Variants in DNASE1L3 observed in about 807,000 individuals in gnomAD.
DNASE1L3 encodes the protein deoxyribonuclease 1L3.
DNASE1L3 carries 27 observed loss-of-function variants against 30.9 expected under a neutral mutation model. The observed-to-expected ratio is 0.87, with a 90% CI of 0.64 to 1.20. DNASE1L3 has a LOEUF of 1.20. DNASE1L3 is among the 50% of genes most tolerant of loss of function. DNASE1L3 has a pLI of 0.00. For missense variants in DNASE1L3, 364 were observed against 378.2 expected (o/e 0.96, Z 0.31); for synonymous variants, 135 against 138.0 (o/e 0.98, Z 0.15).
chr3:58,208,175 A>C, intron 2 of DNASE1L3, 43 bp downstream of exon 2: 2 of 1,594,364 alleles, frequency 1.3e-6, no homozygotes, highest in East Asian at 4.5e-5. Flanking sequence ...ATGCCCTTGC[A>C]CTTGACCTTG....
intron 1 of DNASE1L3, among the ~76,000 whole-genome samples, chr3:58,208,807 T>A (rs2097405712): frequency 6.6e-6 from 1 of 152,188 alleles, no homozygotes; most frequent in Non-Finnish European, 1.5e-5. Context: ...CTATGCTTAT[T>A]AGCCCATTAA....
chr3:58,198,115 T>G, intron 5 of DNASE1L3, 137 bp from the exon 6 acceptor site: 1 of 991,566 alleles, frequency 1.0e-6, no homozygotes, highest in South Asian at 1.7e-5. Flanking sequence ...GTCTACCCCC[T>G]GCTCCCGCCC....
intron 1 of DNASE1L3, among the ~76,000 whole-genome samples, chr3:58,209,493 C>T (rs1176398728): frequency 6.6e-6 from 1 of 152,224 alleles, no homozygotes; most frequent in African/African-American, 2.4e-5. Context: ...CATTGCTATC[C>T]TGGCTAAACA....
chr3:58,200,841 T>C lies in DNASE1L3; in HGVS notation c.546+156A>G, dbSNP rs1363759672. Among the ~76,000 whole-genome samples the C allele has an allele frequency of 1.3e-5, 2 of 152,180 alleles. No homozygotes were observed. Among genetic ancestry groups the C allele is most frequent in the African/African-American group, 4.8e-5 (2 of 41,438 alleles). On this transcript the variant is annotated intron_variant, in intron 5 of 7. Coordinates refer to ENST00000394549, the MANE Select transcript of DNASE1L3 (RefSeq NM_004944.4). This position sits in a 1 kb window ranked among gnomAD's most constrained non-coding sequence, Gnocchi z 4.2. ...ACCCAGGCAGATTTAGCAAAAGGGA[T>C]ACTTAGGGCTGAAGAAAGGCCTTAA...
chr3:58,194,738 G>A (rs2097396203), intron 6 of DNASE1L3, among the ~76,000 whole-genome samples: 1 of 149,274 alleles, frequency 6.7e-6, no homozygotes, highest in African/African-American at 2.5e-5. Context: ...CCATTCTCCT[G>A]CCTCAGCCTC....
chr3:58,194,203 G>A lies in DNASE1L3; in HGVS notation c.705-764C>T, dbSNP rs151143027. Among the ~76,000 whole-genome samples the A allele has an allele frequency of 1.2e-4, 18 of 152,098 alleles. No individual in the cohort carries two copies. The East Asian group carries it at 2.1e-3, about 18-fold the overall frequency. ...TCTACGTGGTCCTGAGTGACTTCCC[G>A]AGGAATGGCAAGGTGAGTCAAACTG... is the stretch of plus-strand genomic sequence containing the variant. On this transcript the variant is annotated intron_variant, in intron 6 of 7. Coordinates refer to ENST00000394549, the MANE Select transcript of DNASE1L3 (RefSeq NM_004944.4).
At chr3:58,202,921 A>G (rs2097401725) in intron 4 of DNASE1L3, among the ~76,000 whole-genome samples, 1 of 152,076 alleles carries the variant, frequency 6.6e-6, no homozygotes, top group Non-Finnish European at 1.5e-5. Flanking sequence ...CCAAAAAGCT[A>G]TTTAAAAATT....
At chr3:58,210,356 ATCTT>A (rs1214748039) in intron 1 of DNASE1L3, among the ~76,000 whole-genome samples, 1 of 152,226 alleles carries the variant, frequency 6.6e-6, no homozygotes, top group Non-Finnish European at 1.5e-5. Context: ...AGGTTACTTC[ATCTT>A]TCTTTGTTCA....
intron 6 of DNASE1L3, among the ~76,000 whole-genome samples, chr3:58,195,362 A>G (rs1458385862): frequency 1.3e-5 from 2 of 152,034 alleles, no homozygotes; most frequent in Admixed American, 1.3e-4. Flanking sequence ...CAGGCATGTG[A>G]TCATGTTGCT....
At position 58,210,968 on chromosome 3, in the gene DNASE1L3, C is replaced by G; in HGVS notation, c.-62G>C. On this transcript the variant is annotated 5_prime_UTR_variant, in exon 1 of 8. Transcript: ENST00000394549. ...ACAGCAGTGCTTGGAGTGCTGGATTCTGGCCACTTCCGCAGGCTCCACTGA... is the reference window on the plus strand; with the variant it reads ...ACAGCAGTGCTTGGAGTGCTGGATTGTGGCCACTTCCGCAGGCTCCACTGA... 2 of 1,592,592 alleles carry G rather than the reference C, an allele frequency of 1.3e-6. No individual in the cohort carries two copies. Among genetic ancestry groups the G allele is most frequent in the Non-Finnish European group, 1.7e-6 (2 of 1,167,176 alleles).
At chr3:58,196,720 G>A (rs1395424576) in intron 6 of DNASE1L3, among the ~76,000 whole-genome samples, 1 of 152,126 alleles carries the variant, frequency 6.6e-6, no homozygotes, top group Non-Finnish European at 1.5e-5. Flanking sequence ...TGTGGTCTCT[G>A]TGATGGAAGA....
intron 2 of DNASE1L3, chr3:58,207,960 C>A: frequency 2.5e-6 from 1 of 399,108 alleles, no homozygotes; most frequent in East Asian, 3.5e-5. Context: ...TACTTTTTAG[C>A]TCAGCCTCAT....
At chr3:58,208,588 C>G (rs964942706) in intron 1 of DNASE1L3, among the ~76,000 whole-genome samples, 1 of 152,122 alleles carries the variant, frequency 6.6e-6, no homozygotes, top group East Asian at 1.9e-4. Flanking sequence ...AAGCCCAGAG[C>G]CCCTTGCTCA....
In DNASE1L3 at chr3:58,200,959, CT is replaced by C. The variant is rs2097400159; in HGVS notation, c.546+37del. ...CCCACTCAGGGACCAGAGCCTGCCC[CT>C]GCTAGATGGGAATTCGTCTGACACA... On this transcript the variant is annotated intron_variant, in intron 5 of 7. Coordinates refer to ENST00000394549, the MANE Select transcript of DNASE1L3 (RefSeq NM_004944.4). This position sits in a 1 kb window ranked among gnomAD's most constrained non-coding sequence, Gnocchi z 4.2. 1.3e-6 allele frequency: 2 copies of C among 1,572,682 alleles called. No homozygotes were observed. The highest frequency in any genetic ancestry group is 2.7e-5 in the African/African-American group (2 of 74,200).
intron 1 of DNASE1L3, 76 bp from the exon 2 acceptor site, chr3:58,208,382 G>A (rs1276854339): frequency 2.7e-6 from 4 of 1,458,992 alleles, no homozygotes; most frequent in Non-Finnish European, 3.8e-6. Context: ...GACACTTACT[G>A]TTTTTAAGTA....
intron 2 of DNASE1L3, among the ~76,000 whole-genome samples, chr3:58,206,735 G>A (rs888580169): frequency 8.5e-5 from 13 of 152,070 alleles, no homozygotes; most frequent in Non-Finnish European, 1.9e-4. Flanking sequence ...TGTCCCCTCA[G>A]TCTCCCATAA....
intron 5 of DNASE1L3, among the ~76,000 whole-genome samples, chr3:58,198,377 T>G (rs2097398673): frequency 6.6e-6 from 1 of 152,190 alleles, no homozygotes; most frequent in Non-Finnish European, 1.5e-5. Context: ...ACACCAGCCC[T>G]GCTGGCACAC....
intron 1 of DNASE1L3, among the ~76,000 whole-genome samples, chr3:58,209,925 T>C (rs1397516330): frequency 6.6e-6 from 1 of 152,160 alleles, no homozygotes; most frequent in Non-Finnish European, 1.5e-5. Flanking sequence ...CATCAAAAAT[T>C]AATTAACCTG....
chr3:58,205,370 T>C (rs2097403216), intron 3 of DNASE1L3, 101 bp downstream of exon 3: 1 of 1,023,698 alleles, frequency 9.8e-7, no homozygotes, highest in Admixed American at 1.8e-5. Flanking sequence ...CACTGAGAAT[T>C]GGTTAGAAAT....
Sources: allele counts gnomAD v4.1 joint callset (sites outside exome capture counted in the v4.1 genomes callset), GRCh38; gene constraint gnomAD v4.1.1; non-coding constraint Gnocchi (gnomAD v3.1); transcripts MANE v1.5; gene names NCBI Gene and HGNC (gene_info 2026-07-23, HGNC 2026-07-21).